Variants in TDRD9 observed in about 807,000 individuals in gnomAD.
The protein encoded by TDRD9 is ATP-dependent RNA helicase TDRD9.
In TDRD9, 124 loss-of-function variants were observed where a neutral mutation model predicts 172.6. The observed-to-expected ratio is 0.72, with a 90% CI of 0.62 to 0.83. TDRD9 has a LOEUF of 0.83. Among genes scored for constraint, TDRD9 ranks in the 40% least tolerant of loss-of-function variants. The probability of loss-of-function intolerance (pLI) is 0.00; values close to 1 mark genes in which losing one functional copy is unlikely to be tolerated. For missense variants in TDRD9, 1,479 were observed against 1,714.1 expected (o/e 0.86, Z 2.42); for synonymous variants, 619 against 617.1 (o/e 1.00, Z -0.05).
intron 20 of TDRD9, among the ~76,000 whole-genome samples, chr14:104,014,520 A>G (rs7145703): frequency 0.51 from 77,333 of 151,780 alleles, 21,183 homozygotes; most frequent in South Asian, 0.63. Flanking sequence ...AGTTCAAGTG[A>G]TCTCCCAACC....
chr14:103,990,171 C>T (rs1310029645), intron 8 of TDRD9, among the ~76,000 whole-genome samples: 4 of 152,206 alleles, frequency 2.6e-5, no homozygotes, highest in East Asian at 3.9e-4. Flanking sequence ...AGCAGATGTT[C>T]GCCCCTGGTT....
chr14:104,041,407 C>T (rs530851545), intron 33 of TDRD9, among the ~76,000 whole-genome samples: 5 of 152,178 alleles, frequency 3.3e-5, no homozygotes, highest in South Asian at 2.1e-4. Flanking sequence ...ACTTTTGTTC[C>T]GCAAAAGACC....
chr14:103,993,084 C>T (rs2033933548), intron 9 of TDRD9, among the ~76,000 whole-genome samples: 1 of 151,984 alleles, frequency 6.6e-6, no homozygotes, highest in Non-Finnish European at 1.5e-5. Flanking sequence ...ATATTTCCAC[C>T]TCAGCCTCCC....
intron 2 of TDRD9, among the ~76,000 whole-genome samples, chr14:103,959,455 C>CGTGTGTGTGTGTGTGTGTGTGTGT (rs151216232): frequency 4.5e-4 from 65 of 144,084 alleles, no homozygotes; most frequent in African/African-American, 1.1e-3. Flanking sequence ...GTCAGGTTAT[C>CGTGTGTGTGTGTGTGTGTGTGTGT]GTGTGTGTGT....
intron 29 of TDRD9, 77 bp downstream of exon 29, chr14:104,031,340 T>C: frequency 3.1e-6 from 4 of 1,308,884 alleles, no homozygotes; most frequent in Non-Finnish European, 4.1e-6. Flanking sequence ...TTGTAGTCAG[T>C]AGTCATGGTG....
intron 12 of TDRD9, among the ~76,000 whole-genome samples, chr14:103,998,155 C>G (rs1428236003): frequency 2.0e-5 from 3 of 147,758 alleles, no homozygotes; most frequent in Non-Finnish European, 4.5e-5. Flanking sequence ...CCCACATGCA[C>G]ACTTCTACCC....
At chr14:103,971,758 T>G (rs1027031119) in intron 6 of TDRD9, among the ~76,000 whole-genome samples, 1 of 152,190 alleles carries the variant, frequency 6.6e-6, no homozygotes, top group Non-Finnish European at 1.5e-5. Flanking sequence ...TGCCTTAAAC[T>G]CTCATATTTT....
intron 30 of TDRD9, among the ~76,000 whole-genome samples, chr14:104,033,070 AG>A (rs1242134491): frequency 7.1e-6 from 1 of 141,470 alleles, no homozygotes. Flanking sequence ...GGTGGGGGGA[AG>A]GGAGGTGCCA....
At chr14:104,030,467 G>C (rs536946051) in intron 28 of TDRD9, among the ~76,000 whole-genome samples, 5 of 152,234 alleles carry the variant, frequency 3.3e-5, no homozygotes, top group African/African-American at 1.2e-4. Flanking sequence ...CTCCAGCCTG[G>C]GCGACAAGAG....
intron 7 of TDRD9, among the ~76,000 whole-genome samples, chr14:103,977,386 G>A (rs186359224): frequency 8.7e-5 from 13 of 149,296 alleles, no homozygotes; most frequent in African/African-American, 2.7e-4. Flanking sequence ...CCAGCTACTC[G>A]GGAAGCTGAG....
At chr14:103,967,867 G>T (rs4900605) in intron 5 of TDRD9, among the ~76,000 whole-genome samples, 51,528 of 152,018 alleles carry the variant, frequency 0.34, 8,916 homozygotes, top group Middle Eastern at 0.38. Context: ...GCCAAAAGAT[G>T]GCATTATGAA....
intron 12 of TDRD9, among the ~76,000 whole-genome samples, chr14:103,996,189 C>G (rs1309945688): frequency 6.6e-6 from 1 of 152,222 alleles, no homozygotes; most frequent in South Asian, 2.1e-4. Flanking sequence ...GAGCAGCCCA[C>G]TTTGTCATCT....
chr14:103,964,211 C>A (rs558139481), intron 3 of TDRD9, among the ~76,000 whole-genome samples: 1 of 152,084 alleles, frequency 6.6e-6, no homozygotes, highest in East Asian at 1.9e-4. Context: ...CCACTGCACT[C>A]CAGCCTGGGT....
intron 5 of TDRD9, among the ~76,000 whole-genome samples, chr14:103,968,758 T>C (rs1308547662): frequency 1.1e-4 from 10 of 92,540 alleles, no homozygotes; most frequent in East Asian, 3.6e-4. Flanking sequence ...ATTGCGCCAC[T>C]GCACTCCAGC....
intron 32 of TDRD9, among the ~76,000 whole-genome samples, chr14:104,038,426 TG>T (rs1212942183): frequency 6.6e-6 from 1 of 152,130 alleles, no homozygotes; most frequent in Non-Finnish European, 1.5e-5. Flanking sequence ...TTTGCCTCTG[TG>T]GGTGAGGAAC....
intron 9 of TDRD9, among the ~76,000 whole-genome samples, chr14:103,992,917 T>A (rs2152200111): frequency 1.1e-5 from 1 of 92,700 alleles, no homozygotes; most frequent in African/African-American, 4.7e-5. Context: ...AGAGCGAGAC[T>A]CCATCTCAAA....
intron 1 of TDRD9, chr14:103,939,903 C>T (rs1450669483): frequency 6.6e-6 from 1 of 150,486 alleles, no homozygotes; most frequent in Non-Finnish European, 1.5e-5. Context: ...TGTGCCACCA[C>T]ACCCAGCTAG....
intron 1 of TDRD9, among the ~76,000 whole-genome samples, chr14:103,949,545 T>C (rs2031748137): frequency 6.6e-6 from 1 of 152,240 alleles, no homozygotes; most frequent in Admixed American, 6.5e-5. Flanking sequence ...TCTTACTGCT[T>C]CTGGTTATGC....
chr14:104,042,341 G>A (rs1385520320), intron 34 of TDRD9, among the ~76,000 whole-genome samples, 154 bp downstream of exon 34: 1 of 152,204 alleles, frequency 6.6e-6, no homozygotes, highest in East Asian at 1.9e-4. Flanking sequence ...GCATCAGAAT[G>A]TAGGCACGCC....
Sources: allele counts gnomAD v4.1 joint callset (sites outside exome capture counted in the v4.1 genomes callset), GRCh38; gene constraint gnomAD v4.1.1; transcripts MANE v1.5; gene names NCBI Gene and HGNC (gene_info 2026-07-23, HGNC 2026-07-21).